Variants in XDH observed in about 807,000 individuals in gnomAD.
The protein encoded by XDH is xanthine dehydrogenase, also known as xanthine dehydrogenase/oxidase.
A neutral mutation model predicts 156.1 loss-of-function variants in XDH; 138 were observed. The observed-to-expected ratio is 0.88, with a 90% CI of 0.77 to 1.02. The LOEUF (loss-of-function observed/expected upper bound fraction) is 1.02. Among genes scored for constraint, XDH ranks in the 50% least tolerant of loss-of-function variants. The pLI is 0.00. For missense variants in XDH, 1,849 were observed against 1,684.9 expected (o/e 1.10, Z -1.71); for synonymous variants, 669 against 625.7 (o/e 1.07, Z -1.03).
intron 2 of XDH, among the ~76,000 whole-genome samples, chr2:31,403,928 G>A (rs991574300): frequency 3.9e-5 from 6 of 152,104 alleles, no homozygotes; most frequent in African/African-American, 7.2e-5. Context: ...GGGAACTGAG[G>A]ATATAATCGC....
intron 1 of XDH, among the ~76,000 whole-genome samples, chr2:31,409,103 C>T (rs1215837809): frequency 6.6e-6 from 1 of 151,942 alleles, no homozygotes; most frequent in Non-Finnish European, 1.5e-5. Flanking sequence ...CAATTGAACT[C>T]ATGGAGATAG....
chr2:31,337,925 G>C (rs189595216), intron 34 of XDH, 108 bp from the exon 35 acceptor site: 103 of 1,250,304 alleles, frequency 8.2e-5, no homozygotes, highest in Non-Finnish European at 1.1e-4. Flanking sequence ...AGGAGGGCTG[G>C]TGGCACCAGG....
chr2:31,382,884 C>A, intron 11 of XDH, 117 bp downstream of exon 11: 1 of 1,475,040 alleles, frequency 6.8e-7, no homozygotes, highest in Non-Finnish European at 9.3e-7. Flanking sequence ...TCCTCCCAGG[C>A]AACTCTAAGC....
intron 6 of XDH, among the ~76,000 whole-genome samples, chr2:31,394,621 C>T (rs1686853590): frequency 6.6e-6 from 1 of 152,050 alleles, no homozygotes; most frequent in Admixed American, 6.6e-5. Flanking sequence ...TCAAATATTG[C>T]TTCTTTTCCT....
intron 13 of XDH, among the ~76,000 whole-genome samples, chr2:31,377,997 GGCCA>G (rs1686293723): frequency 6.7e-6 from 1 of 149,660 alleles, no homozygotes; most frequent in Admixed American, 6.7e-5. Flanking sequence ...CTCCAGCCTG[GGCCA>G]GCAGGCAGAG....
At chr2:31,355,626 T>G (rs993408292) in intron 24 of XDH, among the ~76,000 whole-genome samples, 2 of 152,018 alleles carry the variant, frequency 1.3e-5, no homozygotes, top group African/African-American at 4.8e-5. Context: ...AAGAAAGCTA[T>G]GTAAGAGATA....
intron 24 of XDH, among the ~76,000 whole-genome samples, chr2:31,350,885 G>A (rs1442568335): frequency 6.6e-6 from 1 of 152,202 alleles, no homozygotes; most frequent in East Asian, 1.9e-4. Context: ...ACTTCTGTAA[G>A]TCATGGTATG....
At chr2:31,337,905 ACT>A (rs1685011159) in intron 34 of XDH, 88 bp from the exon 35 acceptor site, 4 of 1,455,662 alleles carry the variant, frequency 2.7e-6, no homozygotes, top group Admixed American at 2.0e-5. Flanking sequence ...CAGGCAGCAA[ACT>A]CTGCACGAGG....
Position 31,344,681 on chromosome 2 carries a change from T to C in XDH, c.3404+3A>G, listed in dbSNP as rs1476633087. 2 of 1,614,012 alleles carry C rather than the reference T, an allele frequency of 1.2e-6. No individual in the cohort carries two copies. The highest frequency in any genetic ancestry group is 1.3e-5 in the African/African-American group (1 of 74,916). Reference sequence around the variant, plus strand: ...AGCTGGGCAAGGACAACACCATACTTACCTATAAAACCCAGTGGCAGACAA... The same window carrying C: ...AGCTGGGCAAGGACAACACCATACTCACCTATAAAACCCAGTGGCAGACAA... On this transcript the variant is annotated splice_donor_region_variant and intron_variant, in intron 31 of 35. Transcript: ENST00000379416.
chr2:31,366,143 G>A, intron 21 of XDH, 34 bp from the exon 22 acceptor site: 1 of 1,614,194 alleles, frequency 6.2e-7, no homozygotes, highest in Non-Finnish European at 8.5e-7. Context: ...CGCACTGAAT[G>A]CATTACCTGA....
At chr2:31,350,311 G>A in intron 24 of XDH, 88 bp from the exon 25 acceptor site, 1 of 1,359,948 alleles carries the variant, frequency 7.4e-7, no homozygotes, top group Non-Finnish European at 1.0e-6. Flanking sequence ...TGTATCCATT[G>A]CCTGCCTTTC....
At chr2:31,376,064 C>G (rs45473506) in intron 14 of XDH, among the ~76,000 whole-genome samples, 11 of 151,928 alleles carry the variant, frequency 7.2e-5, no homozygotes, top group African/African-American at 2.7e-4. Flanking sequence ...GTGAAGTGTT[C>G]GGTACAATTT....
At position 31,382,906 on chromosome 2, in the gene XDH, A is replaced by C. The variant is rs1686475990; in HGVS notation, c.1038+95T>G. On this transcript the variant is annotated intron_variant, in intron 11 of 35. Coordinates refer to ENST00000379416, the MANE Select transcript of XDH (RefSeq NM_000379.4). ...AGGCAACTCTAAGCGCTAAAGTTTG[A>C]GGCCCACTGCACTGACACAGTGAGA... The C allele has an allele frequency of 1.9e-6, 3 of 1,575,948 alleles. No individual in the cohort carries two copies. In the Admixed American group the frequency reaches 5.2e-5, roughly 27 times the overall value.
intron 24 of XDH, among the ~76,000 whole-genome samples, chr2:31,352,937 T>A (rs939153382): frequency 6.6e-5 from 10 of 150,382 alleles, no homozygotes; most frequent in Non-Finnish European, 1.3e-4. Context: ...GCCAGGCTGG[T>A]CTTGAACTCC....
chr2:31,397,810 G>T, intron 5 of XDH, 81 bp from the exon 6 acceptor site: 1 of 1,515,904 alleles, frequency 6.6e-7, no homozygotes, highest in South Asian at 1.1e-5. Context: ...TTGCAACTAA[G>T]TTGGGTGCTC....
chr2:31,374,446 TGATA>T (rs777740852), intron 15 of XDH, among the ~76,000 whole-genome samples: 2 of 152,032 alleles, frequency 1.3e-5, no homozygotes, highest in Non-Finnish European at 2.9e-5. Flanking sequence ...TGACAGATAT[TGATA>T]GATGGATGGA....
Position 31,403,037 on chromosome 2 carries a change from G to T in XDH, c.197+11C>A. On this transcript the variant is annotated intron_variant, in intron 3 of 35. Transcript: ENST00000379416. ...CCCCATGTGGGTGGTCAGCCAGCAG[G>T]CAAAGGATACACGATCTTGTTCTGC... 2 of 1,613,966 alleles carry T rather than the reference G, an allele frequency of 1.2e-6. No homozygotes were observed. The highest frequency in any genetic ancestry group is 1.7e-6 in the Non-Finnish European group (2 of 1,179,944).
intron 13 of XDH, among the ~76,000 whole-genome samples, chr2:31,378,555 C>T (rs935911509): frequency 7.9e-5 from 12 of 152,168 alleles, no homozygotes; most frequent in African/African-American, 2.9e-4. Context: ...ATAAAGCTAG[C>T]TCAGCTTGCA....
At chr2:31,371,738 C>T (rs1370445799) in intron 17 of XDH, among the ~76,000 whole-genome samples, 5 of 152,044 alleles carry the variant, frequency 3.3e-5, no homozygotes, top group Non-Finnish European at 7.4e-5. Flanking sequence ...GTGCCTGGTT[C>T]ACCATTCCTG....
Sources: gnomAD v4.1 joint callset for allele counts (sites outside exome capture counted in the v4.1 genomes callset) on GRCh38, gnomAD v4.1.1 for gene constraint, MANE v1.5 for transcripts, NCBI Gene and HGNC (gene_info 2026-07-23, HGNC 2026-07-21) for gene names.